Variants in CEMIP observed in about 807,000 individuals in gnomAD.
CEMIP encodes cell migration-inducing and hyaluronan-binding protein.
Under a neutral mutation model 156.9 loss-of-function variants are expected in CEMIP, and 105 were observed. The observed-to-expected ratio is 0.67, with a 90% CI of 0.57 to 0.79. The LOEUF (loss-of-function observed/expected upper bound fraction) is 0.79, where lower values mean the gene tolerates loss of function less well. Among genes scored for constraint, CEMIP ranks in the 30% least tolerant of loss-of-function variants. CEMIP has a pLI of 0.00. For synonymous variants in CEMIP, 676 were observed against 668.4 expected, an observed-to-expected ratio of 1.01 and a Z score of -0.17; for missense variants, 1,457 against 1,769.4, an observed-to-expected ratio of 0.82 and a Z score of 3.17.
intron 19 of CEMIP, 146 bp from the exon 20 acceptor site, chr15:80,928,756 T>G: frequency 9.8e-7 from 1 of 1,021,318 alleles, no homozygotes; most frequent in Non-Finnish European, 1.5e-6. Context: ...CACAACTCCC[T>G]GAGCACGACT....
intron 3 of CEMIP, among the ~76,000 whole-genome samples, chr15:80,875,889 T>G (rs756615416): frequency 2.0e-5 from 3 of 151,978 alleles, no homozygotes; most frequent in Non-Finnish European, 4.4e-5. Flanking sequence ...AGGCCAATCT[T>G]GCACCTGCTG....
chr15:80,919,111 A>T (rs1435547361), intron 14 of CEMIP, among the ~76,000 whole-genome samples: 1 of 152,226 alleles, frequency 6.6e-6, no homozygotes, highest in African/African-American at 2.4e-5. Context: ...CAAGAAGGAA[A>T]CCAAAGAGCT....
intron 12 of CEMIP, among the ~76,000 whole-genome samples, chr15:80,904,152 C>T (rs1286131758): frequency 6.6e-6 from 1 of 152,212 alleles, no homozygotes. Flanking sequence ...TTGGCATCTG[C>T]ATATCAGGGA....
chr15:80,938,299 C>T, intron 25 of CEMIP: 1 of 346,498 alleles, frequency 2.9e-6, no homozygotes, highest in Non-Finnish European at 5.6e-6. Context: ...CTCACAACAA[C>T]CTGCTTGGAG....
intron 1 of CEMIP, among the ~76,000 whole-genome samples, chr15:80,852,528 A>C (rs1204660441): frequency 6.6e-6 from 1 of 152,142 alleles, no homozygotes; most frequent in Non-Finnish European, 1.5e-5. Context: ...ATTTGCTTTT[A>C]TGGCATCGGA....
intron 1 of CEMIP, among the ~76,000 whole-genome samples, chr15:80,845,793 C>T (rs1897539193): frequency 6.6e-6 from 1 of 152,172 alleles, no homozygotes; most frequent in Admixed American, 6.5e-5. Flanking sequence ...TAGATCGAGT[C>T]ATTAGGCGGA....
At chr15:80,832,322 CTGTGTGTGTGTGTGTGTGTGTG>C (rs58855328) in intron 1 of CEMIP, among the ~76,000 whole-genome samples, 1 of 127,994 alleles carries the variant, frequency 7.8e-6, no homozygotes, top group Admixed American at 7.9e-5. Flanking sequence ...AAAATAAACT[CTGTGTGTGTGTGTGTGTGTGTG>C]TGTGTGTGTG....
chr15:80,907,942 G>T (rs2141891000), intron 13 of CEMIP, among the ~76,000 whole-genome samples: 1 of 152,294 alleles, frequency 6.6e-6, no homozygotes, highest in South Asian at 2.1e-4. Flanking sequence ...AGAGACAAAT[G>T]GAGTGAAACT....
chr15:80,797,724 G>T (rs1316495352), intron 1 of CEMIP, among the ~76,000 whole-genome samples: 3 of 152,166 alleles, frequency 2.0e-5, no homozygotes, highest in African/African-American at 7.2e-5. Context: ...TGGGTACTTA[G>T]GTGCCCATAA....
chr15:80,910,685 C>T (rs1373866576), intron 14 of CEMIP, among the ~76,000 whole-genome samples: 1 of 152,174 alleles, frequency 6.6e-6, no homozygotes, highest in African/African-American at 2.4e-5. Context: ...AGCTGTGGGA[C>T]CTTGGGCAAG....
At chr15:80,803,689 T>C (rs1811170821) in intron 1 of CEMIP, among the ~76,000 whole-genome samples, 1 of 152,178 alleles carries the variant, frequency 6.6e-6, no homozygotes, top group Non-Finnish European at 1.5e-5. Flanking sequence ...TGAGAGAGGT[T>C]AAGCAACGGT....
At chr15:80,820,460 G>GT (rs1215125479) in intron 1 of CEMIP, among the ~76,000 whole-genome samples, 1 of 152,146 alleles carries the variant, frequency 6.6e-6, no homozygotes, top group Admixed American at 6.6e-5. Flanking sequence ...ATGGGTCAAG[G>GT]TTTTTTCCTT....
Position 80,921,109 on chromosome 15 carries a change from G to T in CEMIP, c.2073+8G>T. 5 of 1,613,432 alleles carry T rather than the reference G, an allele frequency of 3.1e-6. No homozygotes were observed. The highest frequency in any genetic ancestry group is 4.2e-6 in the Non-Finnish European group (5 of 1,179,446). The stretch of plus-strand genomic sequence containing the variant: ...GCCGCTGCAGGATCTGAGGTGAGCA[G>T]AAATATTCCTTCTTTGGCAGAAAGT... On this transcript the variant is annotated splice_region_variant and intron_variant, in intron 16 of 29. Coordinates refer to ENST00000394685, the MANE Select transcript of CEMIP (RefSeq NM_001293298.2).
intron 19 of CEMIP, among the ~76,000 whole-genome samples, chr15:80,928,345 G>A (rs750244132): frequency 1.3e-5 from 2 of 152,124 alleles, no homozygotes; most frequent in Admixed American, 6.5e-5. Flanking sequence ...GGGAGCTGAC[G>A]AGATGGCCCC....
chr15:80,791,050 C>T (rs1896068891), intron 1 of CEMIP, among the ~76,000 whole-genome samples: 1 of 151,840 alleles, frequency 6.6e-6, no homozygotes, highest in Non-Finnish European at 1.5e-5. Flanking sequence ...ACAATTTCTC[C>T]CAGGCCAGAG....
At chr15:80,934,212 A>C (rs1349769453) in intron 23 of CEMIP, among the ~76,000 whole-genome samples, 1 of 152,228 alleles carries the variant, frequency 6.6e-6, no homozygotes, top group Non-Finnish European at 1.5e-5. Flanking sequence ...AATGTGTGAT[A>C]TTTGATATAT....
intron 1 of CEMIP, among the ~76,000 whole-genome samples, chr15:80,815,222 G>A (rs954793717): frequency 1.3e-5 from 2 of 152,266 alleles, no homozygotes; most frequent in East Asian, 1.9e-4. Flanking sequence ...TCAGACTAGA[G>A]GCAAATGCCT....
intron 1 of CEMIP, among the ~76,000 whole-genome samples, chr15:80,796,601 C>T (rs562818736): frequency 5.9e-5 from 9 of 152,286 alleles, no homozygotes; most frequent in Non-Finnish European, 1.0e-4. Flanking sequence ...GACCTGTTTA[C>T]CGAAAAAGAT....
intron 1 of CEMIP, among the ~76,000 whole-genome samples, chr15:80,831,488 T>C (rs565086026): frequency 6.6e-6 from 1 of 152,092 alleles, no homozygotes; most frequent in Non-Finnish European, 1.5e-5. Context: ...GGGGACAGGA[T>C]GCACAGCGTG....
Sources: gnomAD v4.1 joint callset for allele counts (sites outside exome capture counted in the v4.1 genomes callset) on GRCh38, gnomAD v4.1.1 for gene constraint, MANE v1.5 for transcripts, NCBI Gene and HGNC (gene_info 2026-07-23, HGNC 2026-07-21) for gene names.